Variants in PIK3R3 observed in about 807,000 individuals in gnomAD.
PIK3R3 encodes the protein phosphoinositide-3-kinase regulatory subunit 3.
A neutral mutation model predicts 62.9 loss-of-function variants in PIK3R3; 64 were observed. The ratio of observed to expected loss-of-function variants is 1.02; its 90% confidence interval spans 0.83 to 1.25. PIK3R3 has a LOEUF of 1.25. Ranked by LOEUF, PIK3R3 falls within the 50% of genes most tolerant of loss-of-function variation. The probability of loss-of-function intolerance (pLI) is 0.00; values close to 1 mark genes in which losing one functional copy is unlikely to be tolerated. For missense variants in PIK3R3, 614 were observed against 561.6 expected, an observed-to-expected ratio of 1.09 and a Z score of -0.94; for synonymous variants, 165 against 189.0, an observed-to-expected ratio of 0.87 and a Z score of 1.04.
At chr1:46,088,173 C>T (rs1253339182) in intron 1 of PIK3R3, among the ~76,000 whole-genome samples, 1 of 151,744 alleles carries the variant, frequency 6.6e-6, no homozygotes, top group African/African-American at 2.4e-5. Flanking sequence ...TTGCTTGAGC[C>T]CAAGAGTTTG....
upstream of PIK3R3, among the ~76,000 whole-genome samples, chr1:46,133,270 G>A (rs1227023044): frequency 6.6e-6 from 1 of 152,268 alleles, no homozygotes; most frequent in Non-Finnish European, 1.5e-5. Context: ...GACAGGCTGG[G>A]CGAGCGCTCG....
chr1:46,112,774 C>A (rs1475903744), intron 1 of PIK3R3, among the ~76,000 whole-genome samples: 1 of 152,100 alleles, frequency 6.6e-6, no homozygotes, highest in Non-Finnish European at 1.5e-5. Context: ...CCTCTCCTGC[C>A]CAAGTGAAGC....
chr1:46,071,730 T>TATAGAGAGAGAGAGAGAGAGAGAG (rs1163343399), intron 3 of PIK3R3, among the ~76,000 whole-genome samples: 2 of 59,066 alleles, frequency 3.4e-5, no homozygotes, highest in African/African-American at 1.6e-4. Flanking sequence ...TATATATATA[T>TATAGAGAGAGAGAGAGAGAGAGAG]AGAGAGAGAG....
At position 46,064,690 on chromosome 1, in the gene PIK3R3, G is replaced by A. The variant is rs375238943; in HGVS notation, c.621+1364C>T. ...TATTTAGAAATTAAAAACACAAGGGGCAAAAGAAGAAATCACAAAAAATAG... is the reference window on the plus strand; with the variant it reads ...TATTTAGAAATTAAAAACACAAGGGACAAAAGAAGAAATCACAAAAAATAG... On this transcript the variant is annotated intron_variant, in intron 5 of 9. Coordinates refer to ENST00000262741, the MANE Select transcript of PIK3R3 (RefSeq NM_003629.4). 3.8e-4 allele frequency among the ~76,000 whole-genome samples: 58 copies of A among 151,606 alleles called. No individual in the cohort carries two copies. The East Asian group carries it at 8.7e-3, about 23-fold the overall frequency.
intron 6 of PIK3R3, among the ~76,000 whole-genome samples, chr1:46,058,706 T>G (rs1397171779): frequency 4.6e-5 from 7 of 152,204 alleles, no homozygotes; most frequent in East Asian, 1.9e-4. Flanking sequence ...AACAGGTGTA[T>G]TTACCCAATG....
At chr1:46,052,413 C>T (rs1290122409) in intron 7 of PIK3R3, among the ~76,000 whole-genome samples, 1 of 151,908 alleles carries the variant, frequency 6.6e-6, no homozygotes, top group Non-Finnish European at 1.5e-5. Context: ...TGCATATTAA[C>T]AACAAAATTC....
In PIK3R3 at chr1:46,077,514, C is replaced by T. The variant is rs1383786066; in HGVS notation, c.314+1G>A. On this transcript the variant is annotated splice_donor_variant, in intron 3 of 9. Coordinates refer to ENST00000262741, the MANE Select transcript of PIK3R3 (RefSeq NM_003629.4). LOFTEE classifies it high-confidence loss of function. ...TAGCCAAAAGACTGAAAAGTACTTA[C>T]CGCAAAGTCAAAGTATAATCTCCCT... The T allele has an allele frequency of 1.3e-6, 2 of 1,577,036 alleles. No individual in the cohort carries two copies. The highest frequency in any genetic ancestry group is 1.7e-6 in the Non-Finnish European group (2 of 1,146,486).
chr1:46,090,466 G>C (rs1651520180), intron 1 of PIK3R3, among the ~76,000 whole-genome samples: 1 of 152,082 alleles, frequency 6.6e-6, no homozygotes, highest in Non-Finnish European at 1.5e-5. Context: ...CGGGTAGCTG[G>C]AACTACAGGT....
Position 46,131,995 on chromosome 1 carries a change from T to TATC in PIK3R3, c.-44_-43insGAT. The TATC allele has an allele frequency of 6.3e-7, 1 of 1,592,220 alleles. No individual in the cohort carries two copies. Among genetic ancestry groups the TATC allele is most frequent in the Non-Finnish European group, 8.5e-7 (1 of 1,173,740 alleles). ...GTCGCCAGGAGATATATAGAAGGCA[T>TATC]ATATTTTTTATCTGGTATTTAAAAA... is the stretch of plus-strand genomic sequence containing the variant. On this transcript the variant is annotated 5_prime_UTR_variant, in exon 1 of 10. In the 5' UTR this introduces an upstream ATG that the reference lacks. Transcript: ENST00000262741.
chr1:46,062,837 T>C (rs996429641), intron 5 of PIK3R3, among the ~76,000 whole-genome samples: 8 of 152,256 alleles, frequency 5.3e-5, no homozygotes, highest in South Asian at 2.1e-4. Flanking sequence ...GGTGGGTGGA[T>C]TGGTTTTTTT....
the PIK3R3 span, among the ~76,000 whole-genome samples, chr1:46,152,720 G>A: frequency 6.6e-6 from 1 of 151,932 alleles, no homozygotes; most frequent in South Asian, 2.1e-4. Flanking sequence ...CTGCCACCAC[G>A]CCTGGCTAAT....
At position 46,094,060 on chromosome 1, in the gene PIK3R3, C is replaced by T. The variant is rs563662167; in HGVS notation, c.107-13310G>A. Reference sequence around the variant, plus strand: ...CTCCAGACTGGGCAACAGAGTGAGACCCTGTCTCAAAAAAAAAAAAAGTGT... The same window carrying T: ...CTCCAGACTGGGCAACAGAGTGAGATCCTGTCTCAAAAAAAAAAAAAGTGT... On this transcript the variant is annotated intron_variant, in intron 1 of 9. Coordinates refer to ENST00000262741, the MANE Select transcript of PIK3R3 (RefSeq NM_003629.4). Among the ~76,000 whole-genome samples the T allele has an allele frequency of 2.0e-5, 3 of 150,658 alleles. No homozygotes were observed. The South Asian group carries it at 6.3e-4, about 31-fold the overall frequency.
intron 1 of PIK3R3, among the ~76,000 whole-genome samples, chr1:46,114,131 A>G (rs1264016087): frequency 2.7e-4 from 41 of 152,148 alleles, no homozygotes; most frequent in Non-Finnish European, 1.5e-5. Context: ...TCACTGCCCT[A>G]TTCACTCCTG....
chr1:46,083,916 T>C (rs1650834787), intron 1 of PIK3R3, among the ~76,000 whole-genome samples: 1 of 152,176 alleles, frequency 6.6e-6, no homozygotes. Context: ...ATTTCACTCT[T>C]ACATATACCC....
intron 1 of PIK3R3, among the ~76,000 whole-genome samples, chr1:46,084,745 C>G (rs967663619): frequency 6.6e-6 from 1 of 152,012 alleles, no homozygotes; most frequent in African/African-American, 2.4e-5. Flanking sequence ...ATAGAAATAC[C>G]TAACTATAAT....
chr1:46,166,501 A>G, the PIK3R3 span, among the ~76,000 whole-genome samples: 1 of 152,068 alleles, frequency 6.6e-6, no homozygotes, highest in East Asian at 1.9e-4. Context: ...GGGAGGCGTG[A>G]GCCACCACAC....
At chr1:46,137,648 A>C (rs775907079), upstream of PIK3R3, among the ~76,000 whole-genome samples, 1 of 152,198 alleles carries the variant, frequency 6.6e-6, no homozygotes, top group Non-Finnish European at 1.5e-5. Flanking sequence ...AGCCCTTGGC[A>C]CACCATGTTC....
chr1:46,043,855 T>A lies in PIK3R3; in HGVS notation c.1204A>T (p.Lys402Ter). 6.2e-7 allele frequency: 1 copy of A among 1,613,644 alleles called. No homozygotes were observed. Among genetic ancestry groups the A allele is most frequent in the Non-Finnish European group, 8.5e-7 (1 of 1,179,736 alleles). Residue 402 changes from lysine (K) to a stop codon, truncating the protein, a stop_gained, in exon 10 of 10, where the codon AAG becomes TAG. Coordinates refer to ENST00000262741, the MANE Select transcript of PIK3R3 (RefSeq NM_003629.4). LOFTEE classifies it high-confidence loss of function. ...GCAGTGCTGTAGATCACACAGTGCTTCACTTCCCCATCGGCCCTGCAATGA... is the reference window on the plus strand; with the variant it reads ...GCAGTGCTGTAGATCACACAGTGCTACACTTCCCCATCGGCCCTGCAATGA... The part of the protein sequence containing the change: ...ACSVVADGEV[K>*]HCVIYSTARG...
At position 46,044,660 on chromosome 1, in the gene PIK3R3, A is replaced by G. The variant is rs148837485; in HGVS notation, c.1188-789T>C. 8.5e-5 allele frequency among the ~76,000 whole-genome samples: 13 copies of G among 152,316 alleles called. No homozygotes were observed. The East Asian group carries it at 2.3e-3, about 27-fold the overall frequency. On this transcript the variant is annotated intron_variant, in intron 9 of 9. Transcript: ENST00000262741. The surrounding 1 kb of genome is among the most constrained non-coding windows in gnomAD (Gnocchi z 4.2). ...TCAACTCCTCCCCCATTTTCTGCCC[A>G]TAAGACATCCCATTCATCTTTTTGA...
Sources: gnomAD v4.1 joint callset for allele counts (sites outside exome capture counted in the v4.1 genomes callset) on GRCh38, gnomAD v4.1.1 for gene constraint, Gnocchi (gnomAD v3.1) non-coding constraint, MANE v1.5 for transcripts, NCBI Gene and HGNC (gene_info 2026-07-23, HGNC 2026-07-21) for gene names.